PCDHGB2: variants seen among roughly 807,000 people sequenced by gnomAD.
PCDHGB2 encodes protocadherin gamma-B2.
In PCDHGB2, 55 loss-of-function variants were observed where a neutral mutation model predicts 59.3. The ratio of observed to expected loss-of-function variants is 0.93; its 90% CI spans 0.75 to 1.16. The LOEUF is 1.16. Ranked by LOEUF, PCDHGB2 falls within the 50% of genes most tolerant of loss-of-function variation. The pLI, the probability that PCDHGB2 is intolerant of heterozygous loss-of-function variation, is 0.00. For missense variants in PCDHGB2, 1,228 were observed against 1,198.5 expected (o/e 1.02, Z -0.36); for synonymous variants, 516 against 512.0 (o/e 1.01, Z -0.11).
chr5:141,393,187 A>T (rs1327222319), intron 1 of PCDHGB2: 1 of 1,613,380 alleles, frequency 6.2e-7, no homozygotes, highest in East Asian at 2.2e-5. Flanking sequence ...GAAATAATTG[A>T]TATTAACGAT....
rs2099710385 is a variant in PCDHGB2 at position 141,491,296 on chromosome 5, G to A, written c.2422-3511G>A. 6.2e-7 allele frequency: 1 copy of A among 1,614,034 alleles called. No individual in the cohort carries two copies. Among genetic ancestry groups the A allele is most frequent in the African/African-American group, 1.3e-5 (1 of 74,924 alleles). Reference sequence around the variant, plus strand: ...CAGTGACTTCCTCATACACCCTCCTGAGCGTTCAGACCTTACCCTTTACCT... The same window carrying A: ...CAGTGACTTCCTCATACACCCTCCTAAGCGTTCAGACCTTACCCTTTACCT... On this transcript the variant is annotated intron_variant, in intron 1 of 3. Transcript: ENST00000522605. The surrounding 1 kb of genome is among the most constrained non-coding windows in gnomAD (Gnocchi z 6.9).
intron 1 of PCDHGB2, chr5:141,374,909 G>A (rs1357561534): frequency 6.2e-7 from 1 of 1,613,824 alleles, no homozygotes; most frequent in East Asian, 2.2e-5. Flanking sequence ...AGTCCACGGG[G>A]AAGTAACTTA....
At chr5:141,446,039 A>G (rs1349676116) in intron 1 of PCDHGB2, among the ~76,000 whole-genome samples, 1 of 152,180 alleles carries the variant, frequency 6.6e-6, no homozygotes, top group African/African-American at 2.4e-5. Context: ...TAAGAAATGG[A>G]AGAAGAGCTG....
intron 1 of PCDHGB2, chr5:141,370,117 T>A (rs1370014125): frequency 5.2e-6 from 2 of 381,566 alleles, no homozygotes; most frequent in Admixed American, 4.1e-5. Flanking sequence ...CCTAACTAGC[T>A]CCTTATTTGG....
rs770283696 is a variant in PCDHGB2, at chr5:141,385,127, T to G, written c.2421+22571T>G. On this transcript the variant is annotated intron_variant, in intron 1 of 3. Transcript: ENST00000522605. ...GTGCCCACCTCGCACTTTGTGGGCA[T>G]GGACGGGGTGCAGGCTTTCCTGCAG... is the stretch of plus-strand genomic sequence containing the variant. 6.2e-6 allele frequency: 10 copies of G among 1,614,222 alleles called. No individual in the cohort carries two copies. The South Asian group carries it at 7.7e-5, about 12-fold the overall frequency.
intron 1 of PCDHGB2, chr5:141,423,313 G>T (rs1407028245): frequency 1.2e-6 from 2 of 1,614,184 alleles, no homozygotes; most frequent in Non-Finnish European, 1.7e-6. Context: ...GTACTTGGTG[G>T]TGGCGGTGGC....
chr5:141,372,306 G>A (rs771102617), intron 1 of PCDHGB2: 4 of 1,613,152 alleles, frequency 2.5e-6, no homozygotes, highest in Non-Finnish European at 3.4e-6. Context: ...CAGGGAGGCC[G>A]CCCGCCAGCG....
Position 141,362,449 on chromosome 5 carries a change from C to T in PCDHGB2, c.2314C>T (p.Pro772Ser), listed in dbSNP as rs762665729. 1.2e-6 allele frequency: 2 copies of T among 1,614,006 alleles called. No homozygotes were observed. Among genetic ancestry groups the T allele is most frequent in the Non-Finnish European group, 1.7e-6 (2 of 1,179,886 alleles). The change falls in exon 1 of 4, where the codon CCG (proline) becomes TCG (serine). Residue 772 changes from proline to serine, a missense_variant. Pro to Ser is a moderately conservative substitution (Grantham distance 74, BLOSUM62 -1). Around this residue, in one of 3 missense-constraint regions of PCDHGB2, gnomAD observed 433 missense variants for 441.8 expected, o/e 0.98. Transcript: ENST00000522605. ...AGAGTTCAATTTTCTGAACATAACCCCGGAATTGGTTCCCGCGCAAGATCT... is the reference window on the plus strand; with the variant it reads ...AGAGTTCAATTTTCTGAACATAACCTCGGAATTGGTTCCCGCGCAAGATCT... ...KTEFNFLNIT[P>S]ELVPAQDLVC...
chr5:141,375,211 T>G, intron 1 of PCDHGB2: 1 of 1,614,010 alleles, frequency 6.2e-7, no homozygotes, highest in Non-Finnish European at 8.5e-7. Flanking sequence ...ATCGAGACTC[T>G]GGCCTGAATG....
intron 1 of PCDHGB2, among the ~76,000 whole-genome samples, chr5:141,453,999 A>C (rs1561953352): frequency 6.6e-6 from 1 of 152,258 alleles, no homozygotes; most frequent in South Asian, 2.1e-4. Flanking sequence ...ATAAACCCAC[A>C]TAACATTTTA....
intron 1 of PCDHGB2, chr5:141,405,323 T>C (rs1420760439): frequency 6.2e-7 from 1 of 1,614,220 alleles, no homozygotes; most frequent in Non-Finnish European, 8.5e-7. Context: ...AAATGAGCCT[T>C]TGTGCGTCTC....
chr5:141,423,011 T>C, intron 1 of PCDHGB2: 4 of 1,614,186 alleles, frequency 2.5e-6, no homozygotes, highest in Non-Finnish European at 3.4e-6. Flanking sequence ...GTGGTTGCGG[T>C]GGACAAAGAT....
At chr5:141,376,037 C>T (rs1436738898) in intron 1 of PCDHGB2, 1 of 1,613,104 alleles carries the variant, frequency 6.2e-7, no homozygotes, top group African/African-American at 1.3e-5. Flanking sequence ...CCACGGCCAG[C>T]CCCCTCTCTC....
Position 141,432,757 on chromosome 5 carries a change from C to T in PCDHGB2, c.2422-62050C>T. On this transcript the variant is annotated intron_variant, in intron 1 of 3. Coordinates refer to ENST00000522605, the MANE Select transcript of PCDHGB2 (RefSeq NM_018923.3). This position sits in a 1 kb window ranked among gnomAD's most constrained non-coding sequence, Gnocchi z 6.0. ...TCACGCTCACCGTGGCCGTGGCCGA[C>T]AGCATCCCCCAAGTCCTGGCGGACC... is the stretch of plus-strand genomic sequence containing the variant. 1.2e-6 allele frequency: 2 copies of T among 1,614,150 alleles called. No individual in the cohort carries two copies. Among genetic ancestry groups the T allele is most frequent in the African/African-American group, 1.3e-5 (1 of 75,076 alleles).
chr5:141,377,843 A>C (rs1774391445), intron 1 of PCDHGB2: 1 of 152,166 alleles, frequency 6.6e-6, no homozygotes, highest in Admixed American at 6.5e-5. Flanking sequence ...ATTATCTTCC[A>C]ATTAAAATTA....
chr5:141,469,595 CAAAAT>C (rs919167679), intron 1 of PCDHGB2, among the ~76,000 whole-genome samples: 3 of 151,998 alleles, frequency 2.0e-5, no homozygotes, highest in Admixed American at 6.6e-5. Context: ...ATAAATAAAA[CAAAAT>C]AAGTAAAATA....
At chr5:141,395,545 TGTGTGTGTGTGTG>T (rs1440813594) in intron 1 of PCDHGB2, 2 of 174,840 alleles carry the variant, frequency 1.1e-5, no homozygotes, top group Admixed American at 1.3e-4. Flanking sequence ...CTATTGTTTG[TGTGTGTGTGTGTG>T]TGTGTGTGTG....
chr5:141,469,704 C>T (rs1038504640), intron 1 of PCDHGB2, among the ~76,000 whole-genome samples: 9 of 152,340 alleles, frequency 5.9e-5, no homozygotes, highest in African/African-American at 1.9e-4. Flanking sequence ...ACCTAGTAAT[C>T]ACACTATTAG....
Position 141,490,447 on chromosome 5 carries a change from C to A in PCDHGB2, c.2422-4360C>A, listed in dbSNP as rs1273424450. 1.2e-6 allele frequency: 2 copies of A among 1,614,196 alleles called. No homozygotes were observed. The highest frequency in any genetic ancestry group is 1.7e-5 in the Admixed American group (1 of 60,030). Reference sequence around the variant, plus strand: ...ATTTCAGATTAAGCCTTCTGAGAACCACTACTCGCTGCTAACCAGCCAGCC... The same window carrying A: ...ATTTCAGATTAAGCCTTCTGAGAACAACTACTCGCTGCTAACCAGCCAGCC... On this transcript the variant is annotated intron_variant, in intron 1 of 3. Coordinates refer to ENST00000522605, the MANE Select transcript of PCDHGB2 (RefSeq NM_018923.3). This position sits in a 1 kb window ranked among gnomAD's most constrained non-coding sequence, Gnocchi z 5.4.
Sources: allele counts gnomAD v4.1 joint callset (sites outside exome capture counted in the v4.1 genomes callset), GRCh38; gene constraint gnomAD v4.1.1; regional missense constraint gnomAD v4.1.1; non-coding constraint Gnocchi (gnomAD v3.1); transcripts MANE v1.5; gene names NCBI Gene and HGNC (gene_info 2026-07-23, HGNC 2026-07-21).